Variants in AGTPBP1 observed in about 807,000 individuals in gnomAD.
AGTPBP1 encodes cytosolic carboxypeptidase 1.
Under a neutral mutation model 143.9 loss-of-function variants are expected in AGTPBP1, and 70 were observed. The ratio of observed to expected loss-of-function variants is 0.49; its 90% CI spans 0.40 to 0.59. AGTPBP1 has a LOEUF of 0.59. Ranked by LOEUF, AGTPBP1 falls within the 20% of genes least tolerant of loss-of-function variation. AGTPBP1 has a pLI of 0.00. For synonymous variants in AGTPBP1, 463 were observed against 500.2 expected (o/e 0.93, Z 0.99); for missense variants, 1,229 against 1,464.5 (o/e 0.84, Z 2.62).
chr9:85,688,094 A>AT lies in AGTPBP1; in HGVS notation c.157+4594dup, dbSNP rs1417458746. Among the ~76,000 whole-genome samples, 35 of 129,490 alleles carry AT rather than the reference A, an allele frequency of 2.7e-4. 1 individual carries two copies. In the South Asian group the frequency reaches 6.6e-3, roughly 24 times the overall value. 85.0% of individuals were successfully genotyped at this position (129,490 alleles called of 152,430 possible). ...AACAAGAATGAAACTCTGTCTCAAA[A>AT]TTAAAAAAAAAAAAAAAAAAAAAAA... is the stretch of plus-strand genomic sequence containing the variant. On this transcript the variant is annotated intron_variant, in intron 3 of 25. Coordinates refer to ENST00000357081, the MANE Select transcript of AGTPBP1 (RefSeq NM_001330701.2).
intron 11 of AGTPBP1, among the ~76,000 whole-genome samples, chr9:85,651,577 T>C (rs1228596148): frequency 1.3e-5 from 2 of 152,214 alleles, no homozygotes; most frequent in African/African-American, 2.4e-5. Context: ...AGGTAACGTC[T>C]ACATTCTTGA....
chr9:85,614,007 T>G (rs1478315170), intron 17 of AGTPBP1, among the ~76,000 whole-genome samples: 1 of 152,016 alleles, frequency 6.6e-6, no homozygotes, highest in Non-Finnish European at 1.5e-5. Flanking sequence ...ATTACATTCA[T>G]TGATAAATGC....
chr9:85,757,331 C>T, the AGTPBP1 span, among the ~76,000 whole-genome samples: 1 of 152,024 alleles, frequency 6.6e-6, no homozygotes, highest in Non-Finnish European at 1.5e-5. Flanking sequence ...TCCCAAAGTG[C>T]TGGAATTACA....
the AGTPBP1 span, among the ~76,000 whole-genome samples, chr9:85,795,211 A>G: frequency 6.6e-6 from 1 of 152,210 alleles, no homozygotes; most frequent in Non-Finnish European, 1.5e-5. Context: ...TTTGTAGTCT[A>G]TAGTATGAGA....
At chr9:85,579,708 T>A (rs1161860472) in intron 23 of AGTPBP1, among the ~76,000 whole-genome samples, 2 of 150,904 alleles carry the variant, frequency 1.3e-5, no homozygotes, top group Non-Finnish European at 2.9e-5. Flanking sequence ...TAGGAACAGA[T>A]GCATCTCTAG....
At chr9:85,645,416 T>C (rs1226609222) in intron 12 of AGTPBP1, among the ~76,000 whole-genome samples, 4 of 152,262 alleles carry the variant, frequency 2.6e-5, no homozygotes, top group South Asian at 2.1e-4. Context: ...TTAAGGGCAA[T>C]ACCTGATGCC....
chr9:85,663,351 T>C (rs572799365), intron 8 of AGTPBP1, among the ~76,000 whole-genome samples: 3 of 152,176 alleles, frequency 2.0e-5, no homozygotes, highest in African/African-American at 7.2e-5. Context: ...TCATAACTCA[T>C]GGGGTAGAGT....
At chr9:85,798,960 T>G in the AGTPBP1 span, among the ~76,000 whole-genome samples, 1 of 152,172 alleles carries the variant, frequency 6.6e-6, no homozygotes, top group Non-Finnish European at 1.5e-5. Context: ...CAACTCATCA[T>G]TTACATTAGG....
At chr9:85,690,948 CAAA>C (rs1835831178) in intron 3 of AGTPBP1, among the ~76,000 whole-genome samples, 1 of 152,092 alleles carries the variant, frequency 6.6e-6, no homozygotes, top group Non-Finnish European at 1.5e-5. Flanking sequence ...GGTTGTGACA[CAAA>C]GAAGAGTCTA....
chr9:85,672,687 T>TAAA lies in AGTPBP1; in HGVS notation c.437-9_437-7dup. On this transcript the variant is annotated splice_polypyrimidine_tract_variant and splice_region_variant and intron_variant, in intron 6 of 25. Coordinates refer to ENST00000357081, the MANE Select transcript of AGTPBP1 (RefSeq NM_001330701.2). The stretch of plus-strand genomic sequence containing the variant: ...CTTTACTCCAAATTTTTTATCTGTT[T>TAAA]AAAAAAAAAAAAGACAATTTATGCA... 3 of 1,183,288 alleles carry TAAA rather than the reference T, an allele frequency of 2.5e-6. No homozygotes were observed. The highest frequency in any genetic ancestry group is 3.4e-6 in the Non-Finnish European group (3 of 870,258). 73.3% of individuals were successfully genotyped at this position (1,183,288 alleles called of 1,614,324 possible).
At chr9:85,782,650 A>C in the AGTPBP1 span, among the ~76,000 whole-genome samples, 1 of 152,238 alleles carries the variant, frequency 6.6e-6, no homozygotes. Flanking sequence ...ACTGACACTT[A>C]GAGAAGGCAA....
chr9:85,572,318 C>T (rs1444074244), intron 25 of AGTPBP1, among the ~76,000 whole-genome samples: 2 of 152,084 alleles, frequency 1.3e-5, no homozygotes, highest in Non-Finnish European at 2.9e-5. Flanking sequence ...CAGGTGTGAG[C>T]CACTGCGGCT....
chr9:85,601,574 A>T (rs1345092003), intron 17 of AGTPBP1, among the ~76,000 whole-genome samples: 2 of 152,198 alleles, frequency 1.3e-5, no homozygotes, highest in African/African-American at 4.8e-5. Context: ...TGTCACAGCC[A>T]CCACCAACAC....
chr9:85,756,113 G>A, the AGTPBP1 span: 5 of 1,590,800 alleles, frequency 3.1e-6, no homozygotes, highest in African/African-American at 4.1e-5. Context: ...TGAAGAAGTA[G>A]AGAAAGTTCT....
chr9:85,680,238 A>G (rs182794493), intron 4 of AGTPBP1, among the ~76,000 whole-genome samples: 4 of 152,252 alleles, frequency 2.6e-5, no homozygotes, highest in African/African-American at 7.2e-5. Context: ...CTTCATTCTC[A>G]GAAATGTGCT....
At chr9:85,676,944 A>G (rs4446801) in intron 6 of AGTPBP1, among the ~76,000 whole-genome samples, 37,629 of 152,076 alleles carry the variant, frequency 0.25, 5,280 homozygotes, top group East Asian at 0.53. Context: ...ACAGAAAGAT[A>G]AATATCAATG....
intron 2 of AGTPBP1, among the ~76,000 whole-genome samples, chr9:85,698,985 T>C (rs1028475169): frequency 6.6e-6 from 1 of 152,028 alleles, no homozygotes; most frequent in African/African-American, 2.4e-5. Flanking sequence ...AACCCTATTT[T>C]TAGATGCATC....
intron 25 of AGTPBP1, among the ~76,000 whole-genome samples, chr9:85,548,894 C>G (rs533399488): frequency 6.6e-6 from 1 of 152,096 alleles, no homozygotes. Context: ...AGGCTGGTCT[C>G]TAACTTCTGA....
chr9:85,730,341 T>A (rs908867067), intron 1 of AGTPBP1, among the ~76,000 whole-genome samples: 13 of 152,346 alleles, frequency 8.5e-5, no homozygotes, highest in Non-Finnish European at 1.5e-4. Flanking sequence ...TTTAAATATC[T>A]TTTTTATCTG....
Sources: allele counts gnomAD v4.1 joint callset (sites outside exome capture counted in the v4.1 genomes callset), GRCh38; gene constraint gnomAD v4.1.1; transcripts MANE v1.5; gene names NCBI Gene and HGNC (gene_info 2026-07-23, HGNC 2026-07-21).